STIM1: variants seen among roughly 807,000 people sequenced by gnomAD.
STIM1 encodes the protein stromal interaction molecule 1.
Under a neutral mutation model 74.7 loss-of-function variants are expected in STIM1, and 25 were observed. The ratio of observed to expected loss-of-function variants is 0.33; its 90% CI spans 0.24 to 0.47. The LOEUF is 0.47. Ranked by LOEUF, STIM1 falls within the 20% of genes least tolerant of loss-of-function variation. STIM1 has a pLI of 1.00. For synonymous variants in STIM1, 328 were observed against 348.8 expected (o/e 0.94, Z 0.66); for missense variants, 728 against 920.8 (o/e 0.79, Z 2.71).
chr11:4,049,195 A>G (rs1266317221), intron 3 of STIM1, among the ~76,000 whole-genome samples: 1 of 152,234 alleles, frequency 6.6e-6, no homozygotes, highest in Non-Finnish European at 1.5e-5. Context: ...GGTTCCTGTT[A>G]TGACAGAAAA....
At chr11:4,055,697 T>G in intron 4 of STIM1, 60 bp downstream of exon 4, 1 of 1,310,546 alleles carries the variant, frequency 7.6e-7, no homozygotes, top group Admixed American at 2.0e-5. Context: ...GGAGTGGGCC[T>G]GCCTTCAGAT....
intron 1 of STIM1, among the ~76,000 whole-genome samples, chr11:3,912,185 C>CCTCCCCTCCCTT (rs1215251534): frequency 9.8e-6 from 1 of 101,664 alleles, no homozygotes; most frequent in Non-Finnish European, 2.1e-5. Flanking sequence ...TCCTTTCTCC[C>CCTCCCCTCCCTT]CTCCCCTCCC....
intron 1 of STIM1, among the ~76,000 whole-genome samples, chr11:3,863,315 G>C (rs946618664): frequency 6.6e-6 from 1 of 151,092 alleles, no homozygotes; most frequent in Admixed American, 6.6e-5. Flanking sequence ...GATTGCAGTG[G>C]TGTGATCATG....
At chr11:3,975,745 G>T (rs1050288372) in intron 2 of STIM1, among the ~76,000 whole-genome samples, 5 of 152,160 alleles carry the variant, frequency 3.3e-5, no homozygotes, top group Admixed American at 1.3e-4. Context: ...GCTATGAAAA[G>T]ATACTCAATA....
chr11:3,941,680 A>AGAGAGAGAGG (rs2093011785), intron 1 of STIM1, among the ~76,000 whole-genome samples: 1 of 145,996 alleles, frequency 6.8e-6, no homozygotes, highest in Non-Finnish European at 1.5e-5. Flanking sequence ...ATATAGAGAG[A>AGAGAGAGAGG]GAGAGAGAGA....
At chr11:4,055,263 C>G (rs1312743590) in intron 3 of STIM1, among the ~76,000 whole-genome samples, 1 of 152,194 alleles carries the variant, frequency 6.6e-6, no homozygotes, top group African/African-American at 2.4e-5. Context: ...TATAATGTTG[C>G]ATTTGTGATT....
intron 1 of STIM1, among the ~76,000 whole-genome samples, chr11:3,870,823 T>C (rs16929712): frequency 0.13 from 19,542 of 150,792 alleles, 1,358 homozygotes; most frequent in African/African-American, 0.16. Flanking sequence ...TAGTGGGATA[T>C]GGAGTGGCTG....
chr11:3,898,584 C>T (rs1220483362), intron 1 of STIM1, among the ~76,000 whole-genome samples: 1 of 146,558 alleles, frequency 6.8e-6, no homozygotes, highest in Admixed American at 6.9e-5. Flanking sequence ...ACATGAAGTC[C>T]TTGCCCATGC....
chr11:4,080,956 T>A (rs2094462449), intron 7 of STIM1, among the ~76,000 whole-genome samples: 1 of 152,236 alleles, frequency 6.6e-6, no homozygotes, highest in Non-Finnish European at 1.5e-5. Flanking sequence ...CTAAGGTATC[T>A]AGTCTTCATT....
chr11:3,977,192 A>G (rs893001898), intron 2 of STIM1, among the ~76,000 whole-genome samples: 5 of 152,058 alleles, frequency 3.3e-5, no homozygotes, highest in Non-Finnish European at 5.9e-5. Context: ...CCCAGTGCCC[A>G]ACAAAGTCTG....
At chr11:3,979,830 T>G (rs932209064) in intron 2 of STIM1, among the ~76,000 whole-genome samples, 7 of 152,124 alleles carry the variant, frequency 4.6e-5, no homozygotes, top group African/African-American at 1.7e-4. Context: ...TTATTTCCAG[T>G]CCCCTTTCTT....
intron 1 of STIM1, among the ~76,000 whole-genome samples, chr11:3,964,276 A>C (rs1307205104): frequency 1.3e-5 from 2 of 152,220 alleles, no homozygotes; most frequent in Non-Finnish European, 2.9e-5. Flanking sequence ...TGGAATGCGT[A>C]AGAGAAGGTA....
intron 3 of STIM1, among the ~76,000 whole-genome samples, chr11:4,052,318 T>G (rs575915875): frequency 6.6e-6 from 1 of 152,098 alleles, no homozygotes; most frequent in Non-Finnish European, 1.5e-5. Context: ...GGAGGCATCA[T>G]GCTACCTGAC....
chr11:4,006,104 A>G (rs2093777839), intron 2 of STIM1, among the ~76,000 whole-genome samples: 1 of 152,122 alleles, frequency 6.6e-6, no homozygotes, highest in South Asian at 2.1e-4. Flanking sequence ...GTTAGGAGTG[A>G]TTGGATTATC....
chr11:3,958,894 G>A (rs1374727712), intron 1 of STIM1, among the ~76,000 whole-genome samples: 2 of 150,518 alleles, frequency 1.3e-5, no homozygotes, highest in Admixed American at 1.3e-4. Flanking sequence ...GCAGTGAGTC[G>A]AGATCAAGCT....
At position 3,989,145 on chromosome 11, in the gene STIM1, T is replaced by C. The variant is rs565021850; in HGVS notation, c.270+21463T>C. 7.3e-4 allele frequency: 944 copies of C among 1,285,284 alleles called. 2 individuals are homozygous for C. Among genetic ancestry groups the C allele is most frequent in the Non-Finnish European group, 9.5e-4 (846 of 893,050 alleles). The allele number at this position is 1,285,284 out of a possible 1,614,324, so 79.6% of individuals were successfully genotyped here. On this transcript the variant is annotated intron_variant, in intron 2 of 12. Coordinates refer to ENST00000526596, the MANE Select transcript of STIM1 (RefSeq NM_001382567.1). ...GGAGACAGGGACCACTGATAATGTA[T>C]GATGTGTGGTATTATTCAGACTTGG...
At chr11:3,898,834 G>C (rs1260248809) in intron 1 of STIM1, among the ~76,000 whole-genome samples, 2 of 149,190 alleles carry the variant, frequency 1.3e-5, no homozygotes, top group African/African-American at 5.0e-5. Flanking sequence ...GTAGATATGC[G>C]GCGTTATTTC....
chr11:4,061,691 T>C (rs77733107), intron 5 of STIM1, among the ~76,000 whole-genome samples: 150 of 152,298 alleles, frequency 9.8e-4, no homozygotes, highest in African/African-American at 3.5e-3. Flanking sequence ...TACATGTACA[T>C]GCATTTTCAT....
chr11:4,091,798 G>A lies in STIM1; in HGVS notation c.2151G>A (p.Ter717=). Residue 717 remains the stop codon, a stop_retained_variant, in exon 13 of 13, where the codon TAG becomes TAA. Transcript: ENST00000526596. ...TCTTTAAGAAGCCTCTTAAGAAGTA[G>A]GCAGGATGGGGTGGCAGTAAAGGGA... The part of the protein sequence containing the change: ...LKIFKKPLKK[*] The A allele has an allele frequency of 1.2e-6, 2 of 1,602,376 alleles. No individual in the cohort carries two copies.
Sources: allele counts gnomAD v4.1 joint callset (sites outside exome capture counted in the v4.1 genomes callset), GRCh38; gene constraint gnomAD v4.1.1; transcripts MANE v1.5; gene names NCBI Gene and HGNC (gene_info 2026-07-23, HGNC 2026-07-21).